The following ADAM32 variants were observed in gnomAD, a reference collection of about 807,000 sequenced individuals.
ADAM32 encodes disintegrin and metalloproteinase domain-containing protein 32.
In ADAM32, 89 loss-of-function variants were observed where a neutral mutation model predicts 114.9. The observed-to-expected ratio is 0.77, with a 90% CI of 0.65 to 0.92. The LOEUF (loss-of-function observed/expected upper bound fraction) is 0.92, where lower values mean the gene tolerates loss of function less well. ADAM32 is among the 40% of genes least tolerant of loss of function. The probability of loss-of-function intolerance (pLI) is 0.00; values close to 1 mark genes in which losing one functional copy is unlikely to be tolerated. For missense variants in ADAM32, 870 were observed against 932.8 expected (o/e 0.93, Z 0.88); for synonymous variants, 285 against 307.5 (o/e 0.93, Z 0.77).
Position 39,252,194 on chromosome 8 carries a change from T to C in ADAM32, c.1903-2220T>C, listed in dbSNP as rs111781657. On this transcript the variant is annotated intron_variant, in intron 17 of 24. Transcript: ENST00000379907. The stretch of plus-strand genomic sequence containing the variant: ...TTTTTGCTCAGAATTGCTGACCACA[T>C]ATTAAGTCACGAGACAAGTCTTAAC... Among the ~76,000 whole-genome samples, 10 of 151,844 alleles carry C rather than the reference T, an allele frequency of 6.6e-5. 1 individual carries two copies. Among genetic ancestry groups the C allele is most frequent in the African/African-American group, 2.4e-4 (10 of 41,518 alleles).
intron 2 of ADAM32, among the ~76,000 whole-genome samples, chr8:39,118,807 C>T (rs1840480123): frequency 6.6e-6 from 1 of 152,106 alleles, no homozygotes; most frequent in African/African-American, 2.4e-5. Flanking sequence ...GGGTACAACT[C>T]AACAATTATT....
At chr8:39,202,579 C>G (rs975014371) in intron 11 of ADAM32, among the ~76,000 whole-genome samples, 33 of 152,172 alleles carry the variant, frequency 2.2e-4, no homozygotes, top group African/African-American at 8.0e-4. Context: ...AAAAAACCAG[C>G]TCCTGGATTC....
chr8:39,168,626 C>G (rs73676811), intron 9 of ADAM32: 109 of 152,214 alleles, frequency 7.2e-4, no homozygotes, highest in African/African-American at 2.6e-3. Flanking sequence ...TTTTGGTTTC[C>G]TGTATAGTGT....
chr8:39,150,002 C>A, intron 5 of ADAM32, 135 bp downstream of exon 5: 1 of 556,408 alleles, frequency 1.8e-6, no homozygotes, highest in Non-Finnish European at 3.0e-6. Context: ...CCCCTCTGAA[C>A]ATGTTTCCAA....
intron 10 of ADAM32, among the ~76,000 whole-genome samples, chr8:39,181,745 T>C (rs1441806520): frequency 3.3e-5 from 5 of 152,204 alleles, no homozygotes; most frequent in Non-Finnish European, 7.3e-5. Flanking sequence ...GAAAATGTGG[T>C]TGGAACCATG....
intron 2 of ADAM32, chr8:39,130,185 C>G (rs559948751): frequency 6.5e-6 from 1 of 154,790 alleles, no homozygotes; most frequent in Non-Finnish European, 1.4e-5. Flanking sequence ...GAACTCCTGA[C>G]GTCAAGTGAT....
At chr8:39,226,036 A>G (rs1341772521) in intron 14 of ADAM32, among the ~76,000 whole-genome samples, 2 of 152,206 alleles carry the variant, frequency 1.3e-5, no homozygotes, top group Non-Finnish European at 2.9e-5. Context: ...ACAGAGAAAC[A>G]ACATACATTT....
At chr8:39,254,354 G>A in intron 17 of ADAM32, 60 bp from the exon 18 acceptor site, 1 of 1,354,442 alleles carries the variant, frequency 7.4e-7, no homozygotes, top group Non-Finnish European at 1.0e-6. Flanking sequence ...TAAGCTTGAT[G>A]CTCACCTTCT....
At chr8:39,107,589 C>T (rs1443525555), upstream of ADAM32, 6 of 1,410,274 alleles carry the variant, frequency 4.3e-6, no homozygotes, top group Admixed American at 3.0e-5. Context: ...GTTTTAGCCT[C>T]GGGGCGCACG....
rs569736492 is a variant in ADAM32, at chr8:39,135,055, TGAGGCAGGAGAATCACTTGAACCCGG to T, written c.139-1594_139-1569del. Among the ~76,000 whole-genome samples the T allele has an allele frequency of 3.9e-4, 60 of 152,296 alleles. 1 individual carries two copies. Among genetic ancestry groups the T allele is most frequent in the South Asian group, 3.9e-3 (19 of 4,824 alleles). ...CTGTAATTCCAGCTCCTCGGGAGGC[TGAGGCAGGAGAATCACTTGAACCCGG>T]GAGGCAGAAGTTGCGGTGAGCTGAG... On this transcript the variant is annotated intron_variant, in intron 2 of 24. Coordinates refer to ENST00000379907, the MANE Select transcript of ADAM32 (RefSeq NM_145004.7).
At chr8:39,224,794 C>G (rs1809237763) in intron 14 of ADAM32, among the ~76,000 whole-genome samples, 1 of 151,990 alleles carries the variant, frequency 6.6e-6, no homozygotes, top group Non-Finnish European at 1.5e-5. Context: ...AAATAGAAAA[C>G]TATTTATGAA....
intron 12 of ADAM32, among the ~76,000 whole-genome samples, chr8:39,220,495 GTGCA>G (rs1478809551): frequency 6.6e-6 from 1 of 151,948 alleles, no homozygotes; most frequent in African/African-American, 2.4e-5. Context: ...GTTCCTTGAG[GTGCA>G]TCATTAGGTT....
chr8:39,243,360 G>A (rs950936643), intron 16 of ADAM32, among the ~76,000 whole-genome samples: 1 of 152,074 alleles, frequency 6.6e-6, no homozygotes, highest in Non-Finnish European at 1.5e-5. Flanking sequence ...AATATCTCTG[G>A]TAAACAAAAA....
intron 1 of ADAM32, among the ~76,000 whole-genome samples, chr8:39,115,542 GTTTTA>G (rs1840339651): frequency 6.7e-6 from 1 of 148,446 alleles, no homozygotes; most frequent in Non-Finnish European, 1.5e-5. Flanking sequence ...CCACATGTAT[GTTTTA>G]TTTTGAGAAG....
chr8:39,163,124 T>C (rs892549373), intron 7 of ADAM32, among the ~76,000 whole-genome samples: 2 of 152,312 alleles, frequency 1.3e-5, no homozygotes, highest in Middle Eastern at 3.4e-3. Flanking sequence ...AAGCATATGG[T>C]TCTATATATA....
intron 12 of ADAM32, among the ~76,000 whole-genome samples, chr8:39,213,017 T>C (rs1808330569): frequency 6.6e-6 from 1 of 152,166 alleles, no homozygotes; most frequent in South Asian, 2.1e-4. Context: ...TGGCGATTTT[T>C]TAAAAACAAT....
At chr8:39,114,886 A>G (rs1351487866) in intron 1 of ADAM32, among the ~76,000 whole-genome samples, 1 of 152,088 alleles carries the variant, frequency 6.6e-6, no homozygotes, top group Non-Finnish European at 1.5e-5. Context: ...TCCACCTTCA[A>G]GTAAGTTCTG....
At chr8:39,241,701 G>A (rs137871181) in intron 16 of ADAM32, among the ~76,000 whole-genome samples, 102 of 152,324 alleles carry the variant, frequency 6.7e-4, no homozygotes, top group African/African-American at 2.4e-3. Context: ...CAGAGGGACC[G>A]TGGGCCTGGC....
chr8:39,274,323 A>G lies in ADAM32; in HGVS notation c.2213A>G (p.Glu738Gly). The G allele has an allele frequency of 1.2e-6, 2 of 1,613,436 alleles. No individual in the cohort carries two copies. Among genetic ancestry groups the G allele is most frequent in the African/African-American group, 2.7e-5 (2 of 75,044 alleles). The stretch of plus-strand genomic sequence containing the variant: ...CAATTTTTTTTTAGATCCAGCTCAG[A>G]AGGCAGCACTCAGACATATGCCAGC... ...TQTYASQSSS[E>G]GSTQTYASQT... Residue 738 changes from glutamate to glycine, a missense_variant, in exon 21 of 25, where the codon GAA becomes GGA. Physicochemically the swap from Glu to Gly is moderately conservative, Grantham distance 98 (BLOSUM62 -2). Transcript: ENST00000379907.
Sources: allele counts gnomAD v4.1 joint callset (sites outside exome capture counted in the v4.1 genomes callset), GRCh38; gene constraint gnomAD v4.1.1; transcripts MANE v1.5; gene names NCBI Gene and HGNC (gene_info 2026-07-23, HGNC 2026-07-21).